Variants in EVC observed in about 807,000 individuals in gnomAD.
EVC encodes the protein evC complex member EVC.
A neutral mutation model predicts 118.9 loss-of-function variants in EVC; 116 were observed. The ratio of observed to expected loss-of-function variants is 0.98; its 90% confidence interval spans 0.84 to 1.14. The LOEUF (loss-of-function observed/expected upper bound fraction) is 1.14, where lower values mean the gene tolerates loss of function less well. EVC is among the 50% of genes most tolerant of loss of function. The pLI is 0.00. For missense variants in EVC, 1,401 were observed against 1,246.4 expected (o/e 1.12, Z -1.87); for synonymous variants, 619 against 534.7 (o/e 1.16, Z -2.18).
rs1223623720 is a variant in EVC, at chr4:5,746,948, G to A, written c.940-1200G>A. The stretch of plus-strand genomic sequence containing the variant: ...CAGGAGTTTGTAAGCAGAGCGGGCT[G>A]TGTAGAGTTGGCAGGTGACAGTCTG... On this transcript the variant is annotated intron_variant, in intron 7 of 20. Coordinates refer to ENST00000264956, the MANE Select transcript of EVC (RefSeq NM_153717.3). This position sits in a 1 kb window ranked among gnomAD's most constrained non-coding sequence, Gnocchi z 5.8. Among the ~76,000 whole-genome samples the A allele has an allele frequency of 6.6e-6, 1 of 152,160 alleles. No individual in the cohort carries two copies. Among genetic ancestry groups the A allele is most frequent in the Non-Finnish European group, 1.5e-5 (1 of 68,036 alleles).
chr4:5,746,038 G>A lies in EVC; in HGVS notation c.939+697G>A, dbSNP rs1577409781. On this transcript the variant is annotated intron_variant, in intron 7 of 20. Coordinates refer to ENST00000264956, the MANE Select transcript of EVC (RefSeq NM_153717.3). The surrounding 1 kb of genome is among the most constrained non-coding windows in gnomAD (Gnocchi z 5.8). The stretch of plus-strand genomic sequence containing the variant: ...AGAAGAAGGGACCATGGAGAGGCTG[G>A]CCGGGAGAAGTGTGGGTGCTGGCCA... 6.6e-6 allele frequency among the ~76,000 whole-genome samples: 1 copy of A among 152,226 alleles called. No individual in the cohort carries two copies. Among genetic ancestry groups the A allele is most frequent in the African/African-American group, 2.4e-5 (1 of 41,454 alleles).
chr4:5,819,608 A>G, the EVC span, among the ~76,000 whole-genome samples: 3 of 152,330 alleles, frequency 2.0e-5, no homozygotes, highest in East Asian at 5.8e-4. Context: ...GTCTTAGAGA[A>G]GGTGCTAGGG....
Position 5,748,310 on chromosome 4 carries a change from A to T in EVC, c.1098+4A>T. 6.2e-7 allele frequency: 1 copy of T among 1,614,028 alleles called. No individual in the cohort carries two copies. Among genetic ancestry groups the T allele is most frequent in the Non-Finnish European group, 8.5e-7 (1 of 1,179,956 alleles). ...TTCTCAGGAGCTGCAGGCTCTGGTA[A>T]TGCTGGAGGGGGCGGGAGGGAACAT... On this transcript the variant is annotated splice_donor_region_variant and intron_variant, in intron 8 of 20. Coordinates refer to ENST00000264956, the MANE Select transcript of EVC (RefSeq NM_153717.3).
chr4:5,755,337 C>T lies in EVC; in HGVS notation c.1465-927C>T, dbSNP rs980925148. On this transcript the variant is annotated intron_variant, in intron 10 of 20. Coordinates refer to ENST00000264956, the MANE Select transcript of EVC (RefSeq NM_153717.3). The surrounding 1 kb of genome is among the most constrained non-coding windows in gnomAD (Gnocchi z 4.1). ...CTCGGAACGCCTCAGCGCTGGCGTT[C>T]AGGACACGTGGGACGCAGGCAGGGA... Among the ~76,000 whole-genome samples, 1 of 152,116 alleles carries T rather than the reference C, an allele frequency of 6.6e-6. No homozygotes were observed. The highest frequency in any genetic ancestry group is 1.5e-5 in the Non-Finnish European group (1 of 68,024).
intron 12 of EVC, among the ~76,000 whole-genome samples, chr4:5,791,379 G>A (rs539697263): frequency 6.6e-6 from 1 of 151,964 alleles, no homozygotes; most frequent in Non-Finnish European, 1.5e-5. Context: ...GGGAGTGAGA[G>A]GGAAATAAGA....
chr4:5,801,536 C>T (rs1345865272), intron 15 of EVC, among the ~76,000 whole-genome samples: 1 of 152,096 alleles, frequency 6.6e-6, no homozygotes, highest in Admixed American at 6.5e-5. Flanking sequence ...AAAAATTAGC[C>T]AGGCCTGGTG....
chr4:5,802,805 C>T (rs1030026046), intron 16 of EVC, among the ~76,000 whole-genome samples: 8 of 152,156 alleles, frequency 5.3e-5, no homozygotes, highest in South Asian at 2.1e-4. Context: ...GATGAAGCTT[C>T]GCTCACTCAT....
chr4:5,787,565 C>T (rs909918065), intron 12 of EVC, among the ~76,000 whole-genome samples: 4 of 152,166 alleles, frequency 2.6e-5, no homozygotes, highest in Non-Finnish European at 5.9e-5. Context: ...CCCAGACCCT[C>T]GGGGAGGAGT....
intron 12 of EVC, among the ~76,000 whole-genome samples, chr4:5,788,579 C>A (rs1376950183): frequency 6.6e-6 from 1 of 152,220 alleles, no homozygotes; most frequent in Non-Finnish European, 1.5e-5. Context: ...CATTTTTCTA[C>A]TAAATTAGGG....
chr4:5,818,659 A>T (rs528337864), downstream of EVC, among the ~76,000 whole-genome samples: 2 of 152,160 alleles, frequency 1.3e-5, no homozygotes, highest in African/African-American at 2.4e-5. Flanking sequence ...ACCTGAGCCA[A>T]TACACTCAGC....
chr4:5,825,468 G>A, the EVC span: 1 of 1,543,928 alleles, frequency 6.5e-7, no homozygotes, highest in Non-Finnish European at 8.7e-7. The surrounding 1 kb of genome is among the most constrained non-coding windows in gnomAD (Gnocchi z 4.4). Flanking sequence ...CAATTGTGGG[G>A]AGCCTGGGCC....
chr4:5,828,694 TC>T, the EVC span: 1 of 1,607,382 alleles, frequency 6.2e-7, no homozygotes, highest in Non-Finnish European at 8.5e-7. Flanking sequence ...CAGTGTTACT[TC>T]CCAGGATTTG....
chr4:5,817,246 G>A (rs1717854084), downstream of EVC, among the ~76,000 whole-genome samples: 1 of 152,204 alleles, frequency 6.6e-6, no homozygotes, highest in Non-Finnish European at 1.5e-5. Flanking sequence ...TGGCTATAGA[G>A]GCTTCCTGCA....
intron 11 of EVC, among the ~76,000 whole-genome samples, chr4:5,769,868 CTG>C (rs1477925749): frequency 6.6e-6 from 1 of 152,166 alleles, no homozygotes; most frequent in Non-Finnish European, 1.5e-5. Flanking sequence ...TATGAAGTGT[CTG>C]AGAGTAGTTC....
chr4:5,781,897 C>G (rs1156632757), intron 11 of EVC, among the ~76,000 whole-genome samples: 1 of 151,986 alleles, frequency 6.6e-6, no homozygotes, highest in African/African-American at 2.4e-5. Flanking sequence ...TGAATGAACA[C>G]AAACACCAAA....
chr4:5,828,812 A>G, the EVC span: 1 of 1,014,290 alleles, frequency 9.9e-7, no homozygotes, highest in Non-Finnish European at 1.4e-6. Context: ...ATTGACTGTA[A>G]TATTCCACTG....
In EVC at chr4:5,754,500, C is replaced by T. The variant is rs1482224107; in HGVS notation, c.1464+567C>T. On this transcript the variant is annotated intron_variant, in intron 10 of 20. Transcript: ENST00000264956. This position sits in a 1 kb window ranked among gnomAD's most constrained non-coding sequence, Gnocchi z 5.8. ...ATGTCACCCTCCAAGGAAAAGGAGT[C>T]AGCTGGCCCCAGTGCAGGCTCTAAG... is the stretch of plus-strand genomic sequence containing the variant. Among the ~76,000 whole-genome samples the T allele has an allele frequency of 1.3e-5, 2 of 152,146 alleles. No individual in the cohort carries two copies. The highest frequency in any genetic ancestry group is 2.9e-5 in the Non-Finnish European group (2 of 68,024).
At position 5,749,936 on chromosome 4, in the gene EVC, T is replaced by G. The variant is rs1189518966; in HGVS notation, c.1098+1630T>G. Among the ~76,000 whole-genome samples the G allele has an allele frequency of 2.0e-5, 3 of 152,078 alleles. No individual in the cohort carries two copies. The highest frequency in any genetic ancestry group is 7.2e-5 in the African/African-American group (3 of 41,404). Reference sequence around the variant, plus strand: ...CGGCAACACTGGGAGCTGGTTAGAGTGCAGAATCCTGTCCTCCACCCTTCC... The same window carrying G: ...CGGCAACACTGGGAGCTGGTTAGAGGGCAGAATCCTGTCCTCCACCCTTCC... On this transcript the variant is annotated intron_variant, in intron 8 of 20. Coordinates refer to ENST00000264956, the MANE Select transcript of EVC (RefSeq NM_153717.3). The surrounding 1 kb of genome is among the most constrained non-coding windows in gnomAD (Gnocchi z 4.4).
intron 8 of EVC, among the ~76,000 whole-genome samples, chr4:5,752,388 G>A (rs3774867): frequency 0.083 from 12,616 of 152,172 alleles, 729 homozygotes; most frequent in East Asian, 0.19. Flanking sequence ...AATCTCGGCC[G>A]TCCTCAGCAG....
Sources: allele counts gnomAD v4.1 joint callset (sites outside exome capture counted in the v4.1 genomes callset), GRCh38; gene constraint gnomAD v4.1.1; non-coding constraint Gnocchi (gnomAD v3.1); transcripts MANE v1.5; gene names NCBI Gene and HGNC (gene_info 2026-07-23, HGNC 2026-07-21).